ECHDC1: variants seen among roughly 807,000 people sequenced by gnomAD.
The protein encoded by ECHDC1 is ethylmalonyl-CoA decarboxylase 1.
ECHDC1 carries 29 observed loss-of-function variants against 29.7 expected under a neutral mutation model. The ratio of observed to expected loss-of-function variants is 0.98; its 90% CI spans 0.73 to 1.33. The LOEUF (loss-of-function observed/expected upper bound fraction) is 1.33, where lower values mean the gene tolerates loss of function less well. ECHDC1 is among the 40% of genes most tolerant of loss of function. The pLI is 0.00. For synonymous variants in ECHDC1, 126 were observed against 123.1 expected, an observed-to-expected ratio of 1.02 and a Z score of -0.15; for missense variants, 328 against 350.0, an observed-to-expected ratio of 0.94 and a Z score of 0.50.
intron 1 of ECHDC1, among the ~76,000 whole-genome samples, chr6:127,332,903 G>A (rs765390854): frequency 5.3e-5 from 8 of 151,992 alleles, no homozygotes; most frequent in East Asian, 1.9e-4. Flanking sequence ...AGTGATTCTC[G>A]TGCCTAAGCC....
In ECHDC1 at chr6:127,343,423, A is replaced by G. The variant is rs1785138625; in HGVS notation, c.-90T>C. 1.3e-5 allele frequency: 2 copies of G among 151,672 alleles called. No individual in the cohort carries two copies. The highest frequency in any genetic ancestry group is 1.3e-4 in the Admixed American group (2 of 15,208). 9.4% of individuals were successfully genotyped at this position (151,672 alleles called of 1,614,324 possible). ...TGCCTTTGTTTCCGCTCCCCCCGGG[A>G]CCATCGTGCGCCCCTGTCCTCCGTT... On this transcript the variant is annotated 5_prime_UTR_variant, in exon 1 of 6. Transcript: ENST00000454859.
intron 3 of ECHDC1, chr6:127,326,683 T>C: frequency 2.7e-6 from 1 of 369,744 alleles, no homozygotes. Context: ...GGAGTAACAT[T>C]AACAGCAAGA....
chr6:127,304,019 AT>A (rs2114584419), intron 5 of ECHDC1, among the ~76,000 whole-genome samples: 1 of 152,244 alleles, frequency 6.6e-6, no homozygotes, highest in East Asian at 1.9e-4. Flanking sequence ...CCACTTGCTG[AT>A]TGTAGAGTCC....
intron 1 of ECHDC1, 110 bp from the exon 2 acceptor site, chr6:127,331,140 C>A: frequency 9.7e-6 from 7 of 721,474 alleles, no homozygotes; most frequent in Non-Finnish European, 1.5e-5. Context: ...GTTGGGAATA[C>A]TTCCCCATTT....
intron 2 of ECHDC1, among the ~76,000 whole-genome samples, chr6:127,328,984 G>A (rs762262415): frequency 6.6e-6 from 1 of 151,910 alleles, no homozygotes; most frequent in Admixed American, 6.6e-5. Flanking sequence ...CTGAGATCGC[G>A]CCACTGCACT....
chr6:127,303,794 T>A (rs1235250951), intron 5 of ECHDC1, among the ~76,000 whole-genome samples: 1 of 152,168 alleles, frequency 6.6e-6, no homozygotes, highest in Non-Finnish European at 1.5e-5. Context: ...ACAGTGGCCA[T>A]GGGGCGACAC....
At chr6:127,324,624 G>T (rs762688421) in intron 3 of ECHDC1, among the ~76,000 whole-genome samples, 1 of 152,044 alleles carries the variant, frequency 6.6e-6, no homozygotes, top group Non-Finnish European at 1.5e-5. Context: ...AGAAATCACC[G>T]ATTATATAAT....
At chr6:127,294,071 C>T (rs1780403900) in intron 5 of ECHDC1, among the ~76,000 whole-genome samples, 1 of 152,106 alleles carries the variant, frequency 6.6e-6, no homozygotes, top group African/African-American at 2.4e-5. Context: ...ACAGGTAAGA[C>T]AGTTATCCCT....
chr6:127,311,599 G>C (rs1781906502), intron 5 of ECHDC1, among the ~76,000 whole-genome samples: 1 of 148,682 alleles, frequency 6.7e-6, no homozygotes, highest in South Asian at 2.2e-4. Flanking sequence ...GCTTGAACCT[G>C]GGAGGTGGAG....
intron 5 of ECHDC1, among the ~76,000 whole-genome samples, chr6:127,293,684 C>T (rs1018137889): frequency 6.6e-6 from 1 of 152,072 alleles, no homozygotes; most frequent in African/African-American, 2.4e-5. Context: ...ACAGTATTAC[C>T]TACTTTTATT....
intron 5 of ECHDC1, among the ~76,000 whole-genome samples, chr6:127,314,178 T>C (rs1482221457): frequency 6.6e-6 from 1 of 152,232 alleles, no homozygotes; most frequent in East Asian, 1.9e-4. Flanking sequence ...GCTAGCTGTG[T>C]TAGTAGGCCT....
Position 127,327,053 on chromosome 6 carries a change from A to G in ECHDC1, c.312T>C (p.Thr104=), listed in dbSNP as rs141945784. 4.3e-6 allele frequency: 7 copies of G among 1,614,008 alleles called. No homozygotes were observed. The African/African-American group carries it at 8.0e-5, about 18-fold the overall frequency. ...CATTCAGATCAGATCCTGAAGAGAA[A>G]GTATTTTTTGCCCCACGGACAATGA... ...KGLIVRGAKN[T]FSSGSDLNAV... is the part of the protein sequence containing the mutation. The change falls in exon 3 of 6, where the codon ACT becomes ACC. Residue 104 remains threonine, a synonymous_variant. Coordinates refer to ENST00000454859, the MANE Select transcript of ECHDC1 (RefSeq NM_001002030.2).
At chr6:127,301,126 G>GT (rs1781021323) in intron 5 of ECHDC1, among the ~76,000 whole-genome samples, 1 of 152,080 alleles carries the variant, frequency 6.6e-6, no homozygotes, top group Non-Finnish European at 1.5e-5. Context: ...TTTTAAAAAT[G>GT]TTTTTTAAAA....
intron 5 of ECHDC1, among the ~76,000 whole-genome samples, chr6:127,300,495 T>G (rs1021223655): frequency 2.0e-5 from 3 of 152,192 alleles, no homozygotes; most frequent in Non-Finnish European, 4.4e-5. Context: ...GAGAAATGTT[T>G]CCAGCTGTAG....
intron 5 of ECHDC1, among the ~76,000 whole-genome samples, chr6:127,309,282 C>T (rs2114600396): frequency 6.6e-6 from 1 of 152,074 alleles, no homozygotes; most frequent in African/African-American, 2.4e-5. Flanking sequence ...AGAAACAAAT[C>T]TACACATATA....
At chr6:127,298,907 A>G (rs993205104) in intron 5 of ECHDC1, among the ~76,000 whole-genome samples, 1 of 150,830 alleles carries the variant, frequency 6.6e-6, no homozygotes, top group African/African-American at 2.4e-5. Context: ...AAAGGGTCTC[A>G]CTCTGTCCCG....
chr6:127,328,353 CAT>C (rs532597371), intron 2 of ECHDC1, among the ~76,000 whole-genome samples: 363 of 152,292 alleles, frequency 2.4e-3, no homozygotes, highest in African/African-American at 6.9e-3. Flanking sequence ...GAATTATTCA[CAT>C]GTTTGTATTA....
chr6:127,339,206 T>G (rs1784697713), intron 1 of ECHDC1, among the ~76,000 whole-genome samples: 1 of 151,266 alleles, frequency 6.6e-6, no homozygotes, highest in Non-Finnish European at 1.5e-5. Context: ...GTCTGGCAGC[T>G]AAGCAAAGGT....
chr6:127,327,140 A>G lies in ECHDC1; in HGVS notation c.225T>C (p.Val75=). The change falls in exon 3 of 6, where the codon GTT becomes GTC. Residue 75 remains valine, a synonymous_variant. Coordinates refer to ENST00000454859, the MANE Select transcript of ECHDC1 (RefSeq NM_001002030.2). ...NPSRMNAFSG[V]MMLQLLEKVI... ...CTTTTTCCAGAAGTTGTAGCATCATAACACCTGCCAGAGATGGAAGTGGGA... is the reference window on the plus strand; with the variant it reads ...CTTTTTCCAGAAGTTGTAGCATCATGACACCTGCCAGAGATGGAAGTGGGA... The G allele has an allele frequency of 1.2e-6, 2 of 1,612,062 alleles. No individual in the cohort carries two copies. Among genetic ancestry groups the G allele is most frequent in the Non-Finnish European group, 8.5e-7 (1 of 1,179,118 alleles).
Sources: gnomAD v4.1 joint callset for allele counts (sites outside exome capture counted in the v4.1 genomes callset) on GRCh38, gnomAD v4.1.1 for gene constraint, MANE v1.5 for transcripts, NCBI Gene and HGNC (gene_info 2026-07-23, HGNC 2026-07-21) for gene names.